The following TTLL5 variants were observed in gnomAD, a reference collection of about 807,000 sequenced individuals.
TTLL5 encodes the protein tubulin polyglutamylase TTLL5.
Under a neutral mutation model 168.4 loss-of-function variants are expected in TTLL5, and 132 were observed. The ratio of observed to expected loss-of-function variants is 0.78; its 90% CI spans 0.68 to 0.91. The LOEUF is 0.91. Among genes scored for constraint, TTLL5 ranks in the 40% least tolerant of loss-of-function variants. The pLI, the probability that TTLL5 is intolerant of heterozygous loss-of-function variation, is 0.00. For missense variants in TTLL5, 1,545 were observed against 1,581.5 expected (o/e 0.98, Z 0.39); for synonymous variants, 546 against 558.6 (o/e 0.98, Z 0.32).
At chr14:75,898,198 G>T (rs370389099) in intron 30 of TTLL5, among the ~76,000 whole-genome samples, 69 of 152,306 alleles carry the variant, frequency 4.5e-4, no homozygotes, top group African/African-American at 1.6e-3. Flanking sequence ...GAGAGAAATT[G>T]ATTGTAATTT....
At chr14:75,785,159 G>C (rs1326978814) in intron 26 of TTLL5, among the ~76,000 whole-genome samples, 1 of 145,744 alleles carries the variant, frequency 6.9e-6, no homozygotes, top group Admixed American at 6.9e-5. Context: ...CTAATCAAGT[G>C]TCACAGAGAT....
intron 21 of TTLL5, among the ~76,000 whole-genome samples, 182 bp downstream of exon 21, chr14:75,772,036 A>G (rs575034122): frequency 2.0e-5 from 3 of 151,770 alleles, no homozygotes; most frequent in East Asian, 1.9e-4. Flanking sequence ...CTTATTTCTT[A>G]TACTTCAATG....
At chr14:75,829,559 CT>C (rs202156409) in intron 28 of TTLL5, among the ~76,000 whole-genome samples, 4,796 of 138,798 alleles carry the variant, frequency 0.035, 102 homozygotes, top group African/African-American at 0.034. Context: ...TATACATTTA[CT>C]TTTTTTTTTT....
At chr14:75,849,512 G>A (rs1045787309) in intron 28 of TTLL5, among the ~76,000 whole-genome samples, 24 of 152,138 alleles carry the variant, frequency 1.6e-4, no homozygotes, top group African/African-American at 3.6e-4. Context: ...GTTAGACGCC[G>A]AATATATAAA....
At chr14:75,948,466 CAA>C (rs769394155) in intron 31 of TTLL5, among the ~76,000 whole-genome samples, 72 of 150,984 alleles carry the variant, frequency 4.8e-4, no homozygotes, top group Admixed American at 7.3e-4. Context: ...GCCTGGGTGA[CAA>C]GAGTGAAACC....
intron 28 of TTLL5, among the ~76,000 whole-genome samples, chr14:75,842,319 A>T (rs760723228): frequency 1.1e-4 from 17 of 152,138 alleles, no homozygotes; most frequent in Admixed American, 5.2e-4. Context: ...TTTACTGATG[A>T]TGAAATGAGG....
intron 9 of TTLL5, among the ~76,000 whole-genome samples, chr14:75,715,705 C>G (rs1161247505): frequency 6.6e-6 from 1 of 152,096 alleles, no homozygotes; most frequent in Non-Finnish European, 1.5e-5. Flanking sequence ...GCTTCATACA[C>G]TCAGTTTAGA....
intron 27 of TTLL5, among the ~76,000 whole-genome samples, chr14:75,805,999 C>T (rs1354899679): frequency 6.6e-6 from 1 of 151,828 alleles, no homozygotes; most frequent in African/African-American, 2.4e-5. Context: ...TCTTCCTGTT[C>T]ACCCTAGTCT....
intron 28 of TTLL5, among the ~76,000 whole-genome samples, chr14:75,857,560 G>C (rs1339892832): frequency 6.6e-6 from 1 of 151,550 alleles, no homozygotes; most frequent in Non-Finnish European, 1.5e-5. Flanking sequence ...AACCTCATGA[G>C]TTGGGAAGTT....
chr14:75,716,846 C>T (rs1033385663), intron 9 of TTLL5, among the ~76,000 whole-genome samples: 4 of 152,112 alleles, frequency 2.6e-5, no homozygotes, highest in Non-Finnish European at 5.9e-5. Context: ...GACAACAGTC[C>T]GGGATATCAA....
Position 75,775,496 on chromosome 14 carries a change from C to A in TTLL5, c.2149C>A (p.Arg717Ser). The change falls in exon 22 of 32, where the codon CGT becomes AGT. Residue 717 changes from arginine to serine, a missense_variant. Physicochemically the swap from Arg to Ser is moderately radical, Grantham distance 110 (BLOSUM62 -1). Coordinates refer to ENST00000298832, the MANE Select transcript of TTLL5 (RefSeq NM_015072.5). ...KEDEQMELVVRFLKRASNNLQ... is the reference protein window; with the variant it reads ...KEDEQMELVVSFLKRASNNLQ... Reference sequence around the variant, plus strand: ...CTTTAATTTATAGGAGCTGGTTGTTCGTTTCCTCAAGCGAGCATCAAATAA... The same window carrying A: ...CTTTAATTTATAGGAGCTGGTTGTTAGTTTCCTCAAGCGAGCATCAAATAA... The A allele has an allele frequency of 6.2e-7, 1 of 1,612,882 alleles. No individual in the cohort carries two copies. The highest frequency in any genetic ancestry group is 1.1e-5 in the South Asian group (1 of 90,934).
At chr14:75,897,473 C>G (rs1014392472) in intron 30 of TTLL5, among the ~76,000 whole-genome samples, 8 of 151,580 alleles carry the variant, frequency 5.3e-5, no homozygotes, top group African/African-American at 1.2e-4. Context: ...TTTATTTATT[C>G]ATTTATTTAT....
chr14:75,822,877 A>T (rs771123058), intron 28 of TTLL5, among the ~76,000 whole-genome samples: 21 of 152,170 alleles, frequency 1.4e-4, no homozygotes, highest in African/African-American at 5.1e-4. Flanking sequence ...AAGAAGGCAA[A>T]GAGCCCACGA....
chr14:75,719,840 C>CT lies in TTLL5; in HGVS notation c.934+19dup, dbSNP rs1175623983. 3 of 1,610,638 alleles carry CT rather than the reference C, an allele frequency of 1.9e-6. No individual in the cohort carries two copies. The African/African-American group carries it at 4.0e-5, about 22-fold the overall frequency. On this transcript the variant is annotated intron_variant, in intron 11 of 31. Coordinates refer to ENST00000298832, the MANE Select transcript of TTLL5 (RefSeq NM_015072.5). Reference sequence around the variant, plus strand: ...GAGATACAACCGGTGAGTACTGGGCCTTTTTCCTTCTTGACTTCTCTTCTT... The same window carrying CT: ...GAGATACAACCGGTGAGTACTGGGCCTTTTTTCCTTCTTGACTTCTCTTCTT...
chr14:75,914,619 G>GTTTTTT (rs10571332), intron 31 of TTLL5, among the ~76,000 whole-genome samples: 2 of 96,068 alleles, frequency 2.1e-5, no homozygotes, highest in African/African-American at 8.4e-5. Flanking sequence ...CACTACTCTT[G>GTTTTTT]TTTTTTTTTT....
chr14:75,739,104 G>A (rs138329105), intron 15 of TTLL5, among the ~76,000 whole-genome samples: 1 of 151,924 alleles, frequency 6.6e-6, no homozygotes, highest in Admixed American at 6.6e-5. Context: ...CACCATGCCC[G>A]GCCTTTGATA....
intron 29 of TTLL5, among the ~76,000 whole-genome samples, chr14:75,877,875 A>T (rs1043831191): frequency 3.3e-5 from 5 of 152,152 alleles, no homozygotes; most frequent in African/African-American, 9.7e-5. Flanking sequence ...TTTACACACA[A>T]CCATTTATAT....
chr14:75,815,988 A>G (rs528591709), intron 27 of TTLL5, among the ~76,000 whole-genome samples: 103 of 152,366 alleles, frequency 6.8e-4, no homozygotes, highest in Non-Finnish European at 1.3e-3. Flanking sequence ...AGTAGACCAC[A>G]TGCGCTGGAA....
intron 17 of TTLL5, among the ~76,000 whole-genome samples, chr14:75,750,755 G>A (rs1393270105): frequency 2.0e-5 from 3 of 151,790 alleles, no homozygotes; most frequent in African/African-American, 4.9e-5. Flanking sequence ...TACTATATAT[G>A]TACCCATGAT....
Sources: gnomAD v4.1 joint callset for allele counts (sites outside exome capture counted in the v4.1 genomes callset) on GRCh38, gnomAD v4.1.1 for gene constraint, MANE v1.5 for transcripts, NCBI Gene and HGNC (gene_info 2026-07-23, HGNC 2026-07-21) for gene names.